SH2B2: variants seen among roughly 807,000 people sequenced by gnomAD.
SH2B2 encodes SH2B adapter protein 2.
SH2B2 carries 37 observed loss-of-function variants against 35.7 expected under a neutral mutation model. That is an observed-to-expected ratio of 1.04 (90% CI 0.80 to 1.36). SH2B2 has a LOEUF of 1.36. SH2B2 is among the 40% of genes most tolerant of loss of function. SH2B2 has a pLI of 0.00. For missense variants in SH2B2, 852 were observed against 817.7 expected (o/e 1.04, Z -0.51); for synonymous variants, 383 against 376.4 (o/e 1.02, Z -0.20).
chr7:102,317,351 C>G lies in SH2B2; in HGVS notation c.1351C>G (p.Pro451Ala). The change falls in exon 7 of 9, where the codon CCT becomes GCT. Residue 451 changes from proline to alanine, a missense_variant. Around this residue, in one of 3 missense-constraint regions of SH2B2, gnomAD observed 556 missense variants for 514.5 expected, o/e 1.08. Coordinates refer to ENST00000444095, the MANE Select transcript of SH2B2 (RefSeq NM_001359228.2). ...CGTGATCCGCCAAAGTGAGACTCGG[C>G]CTGGGGAGTACGTGCTGACCTTCAA... ...LFVIRQSETRPGEYVLTFNFQ... is the reference protein window; with the variant it reads ...LFVIRQSETRAGEYVLTFNFQ... The G allele has an allele frequency of 6.2e-7, 1 of 1,607,742 alleles. No individual in the cohort carries two copies. Among genetic ancestry groups the G allele is most frequent in the South Asian group, 1.1e-5 (1 of 90,602 alleles).
intron 1 of SH2B2, among the ~76,000 whole-genome samples, chr7:102,299,131 C>T (rs558541927): frequency 1.0e-3 from 149 of 146,266 alleles, no homozygotes; most frequent in Middle Eastern, 3.7e-3. Context: ...GATCTCCTGA[C>T]TTCGTGATGC....
At position 102,308,850 on chromosome 7, in the gene SH2B2, C is replaced by T. The variant is rs1225079897; in HGVS notation, c.867C>T (p.Ile289=). The part of the protein sequence containing the change: ...ENGAEYILET[I]DSLQKHSWVA... ...GAGCCGAATACATCTTGGAGACCATCGACTCTCTGCAGAAGCACTCGTGGG... is the reference window on the plus strand; with the variant it reads ...GAGCCGAATACATCTTGGAGACCATTGACTCTCTGCAGAAGCACTCGTGGG... Residue 289 remains isoleucine (I), a synonymous_variant, in exon 4 of 9, where the codon ATC becomes ATT. Coordinates refer to ENST00000444095, the MANE Select transcript of SH2B2 (RefSeq NM_001359228.2). 3.1e-6 allele frequency: 5 copies of T among 1,613,578 alleles called. No homozygotes were observed. Among genetic ancestry groups the T allele is most frequent in the Non-Finnish European group, 4.2e-6 (5 of 1,179,866 alleles).
At chr7:102,287,872 G>A (rs1792516434) in intron 1 of SH2B2, among the ~76,000 whole-genome samples, 1 of 152,198 alleles carries the variant, frequency 6.6e-6, no homozygotes, top group African/African-American at 2.4e-5. Flanking sequence ...AGCCTCTCAG[G>A]AGCCACGCAA....
chr7:102,287,238 G>A (rs1792490700), intron 1 of SH2B2, 144 bp downstream of exon 1: 1 of 152,056 alleles, frequency 6.6e-6, no homozygotes, highest in Non-Finnish European at 1.5e-5. Flanking sequence ...TCGTCTTTGT[G>A]TGCGCGGGTG....
Position 102,308,798 on chromosome 7 carries a change from G to T in SH2B2, c.832-17G>T. ...CTGCTGACCGTGTTCTGCACTCCCG[G>T]CCACCTTCCTCCCCAGGTAGAGAAT... On this transcript the variant is annotated splice_polypyrimidine_tract_variant and intron_variant, in intron 3 of 8. Transcript: ENST00000444095. The T allele has an allele frequency of 6.2e-7, 1 of 1,608,054 alleles. No individual in the cohort carries two copies.
intron 7 of SH2B2, 97 bp from the exon 8 acceptor site, chr7:102,320,234 C>A: frequency 9.7e-7 from 1 of 1,030,498 alleles, no homozygotes; most frequent in Admixed American, 1.8e-5. Flanking sequence ...CCCCATACAG[C>A]CCCTGTGAGC....
intron 2 of SH2B2, among the ~76,000 whole-genome samples, chr7:102,303,391 C>G (rs1345409609): frequency 6.6e-6 from 1 of 152,146 alleles, no homozygotes; most frequent in African/African-American, 2.4e-5. Context: ...CACCCACCTC[C>G]CGCATCAGGG....
Position 102,314,354 on chromosome 7 carries a change from C to T in SH2B2, c.942C>T (p.Thr314=), listed in dbSNP as rs1439344998. The part of the protein sequence containing the change: ...CVDPGDSEED[T]ELSCTRGGCL... ...TCCACAGTGACAGTGAGGAAGACAC[C>T]GAGCTCTCCTGTACCCGAGGAGGCT... Residue 314 remains threonine (T), a synonymous_variant, in exon 5 of 9, where the codon ACC becomes ACT. Coordinates refer to ENST00000444095, the MANE Select transcript of SH2B2 (RefSeq NM_001359228.2). 1.3e-5 allele frequency: 5 copies of T among 398,498 alleles called. No individual in the cohort carries two copies. The highest frequency in any genetic ancestry group is 6.2e-5 in the African/African-American group (3 of 48,592). The allele number at this position is 398,498 out of a possible 1,614,324, so 24.7% of individuals were successfully genotyped here.
At chr7:102,305,899 T>C (rs1189637082) in intron 2 of SH2B2, among the ~76,000 whole-genome samples, 21 of 144,836 alleles carry the variant, frequency 1.4e-4, no homozygotes, top group African/African-American at 2.3e-4. Context: ...TTTTCTTTTT[T>C]TTTTTTTTTT....
chr7:102,308,060 C>G (rs782498791), intron 3 of SH2B2, among the ~76,000 whole-genome samples: 1 of 152,172 alleles, frequency 6.6e-6, no homozygotes, highest in Non-Finnish European at 1.5e-5. Context: ...CGTGAGCCAC[C>G]GCGCCCGGCC....
At chr7:102,295,633 T>G (rs1554552416) in intron 1 of SH2B2, among the ~76,000 whole-genome samples, 1 of 152,136 alleles carries the variant, frequency 6.6e-6, no homozygotes. Flanking sequence ...ACCCTATAAC[T>G]GGCACCATGC....
At chr7:102,299,835 G>T (rs1403837246) in intron 1 of SH2B2, among the ~76,000 whole-genome samples, 6 of 152,216 alleles carry the variant, frequency 3.9e-5, no homozygotes, top group African/African-American at 1.4e-4. Context: ...CCCCAGGAAT[G>T]ACCCTGAGGT....
intron 1 of SH2B2, among the ~76,000 whole-genome samples, chr7:102,287,387 GC>G (rs1356629436): frequency 1.8e-4 from 27 of 152,248 alleles, no homozygotes; most frequent in African/African-American, 5.8e-4. Flanking sequence ...CCCTGCTAGG[GC>G]CCCGGCCGGG....
intron 2 of SH2B2, among the ~76,000 whole-genome samples, chr7:102,301,559 CGTGT>C (rs144412397): frequency 0.025 from 3,639 of 145,084 alleles, 151 homozygotes; most frequent in African/African-American, 0.084. Flanking sequence ...TGTGTGTGTC[CGTGT>C]GTGTGTGTGT....
upstream of SH2B2, chr7:102,286,846 C>A: frequency 1.5e-4 from 1 of 6,858 alleles, no homozygotes; most frequent in Non-Finnish European, 2.8e-4. Flanking sequence ...CCGGGAGGCG[C>A]GCGCCTCGCG....
At chr7:102,311,050 A>G (rs1055732302) in intron 4 of SH2B2, among the ~76,000 whole-genome samples, 47 of 152,162 alleles carry the variant, frequency 3.1e-4, no homozygotes, top group Non-Finnish European at 6.2e-4. Context: ...TGGCAGATAA[A>G]TGAGAGAAAA....
At chr7:102,290,243 T>C (rs1251955390) in intron 1 of SH2B2, among the ~76,000 whole-genome samples, 36 of 17,038 alleles carry the variant, frequency 2.1e-3, no homozygotes, top group African/African-American at 0.017. Context: ...ATACCCCCCT[T>C]TTTTTTTTTT....
intron 2 of SH2B2, 68 bp downstream of exon 2, chr7:102,301,347 T>C (rs573797264): frequency 6.7e-7 from 1 of 1,499,114 alleles, no homozygotes; most frequent in Admixed American, 2.3e-5. Flanking sequence ...CAGCTGAGGG[T>C]GCCAGGGACT....
At chr7:102,313,795 C>G (rs1734767) in intron 4 of SH2B2, among the ~76,000 whole-genome samples, 17 of 151,674 alleles carry the variant, frequency 1.1e-4, no homozygotes, top group African/African-American at 4.1e-4. Flanking sequence ...GCCTGTAATC[C>G]CAGCTACTCA....
Sources: gnomAD v4.1 joint callset for allele counts (sites outside exome capture counted in the v4.1 genomes callset) on GRCh38, gnomAD v4.1.1 for gene constraint, gnomAD v4.1.1 regional missense constraint, MANE v1.5 for transcripts, NCBI Gene and HGNC (gene_info 2026-07-23, HGNC 2026-07-21) for gene names.